SAMD3: variants seen among roughly 807,000 people sequenced by gnomAD.
The protein encoded by SAMD3 is sterile alpha motif domain-containing protein 3.
A neutral mutation model predicts 58.5 loss-of-function variants in SAMD3; 63 were observed. That is an observed-to-expected ratio of 1.08 (90% CI 0.88 to 1.33). SAMD3 has a LOEUF of 1.33. SAMD3 is among the 40% of genes most tolerant of loss of function. SAMD3 has a pLI of 0.00. For missense variants in SAMD3, 604 were observed against 608.4 expected (o/e 0.99, Z 0.08); for synonymous variants, 220 against 210.3 (o/e 1.05, Z -0.40).
chr6:130,259,910 G>A (rs142556462), intron 2 of SAMD3, among the ~76,000 whole-genome samples: 1 of 152,042 alleles, frequency 6.6e-6, no homozygotes. Context: ...GCTCATTTGT[G>A]TGCTGCATTT....
At chr6:130,145,782 C>T (rs1788565800) in intron 10 of SAMD3, among the ~76,000 whole-genome samples, 2 of 151,982 alleles carry the variant, frequency 1.3e-5, no homozygotes, top group South Asian at 2.1e-4. Context: ...TCCTCCTCCT[C>T]TAATTGGAAA....
intron 9 of SAMD3, among the ~76,000 whole-genome samples, chr6:130,153,868 G>C (rs1156755374): frequency 6.6e-6 from 1 of 151,298 alleles, no homozygotes; most frequent in Non-Finnish European, 1.5e-5. Flanking sequence ...GTAGAGATGG[G>C]GTTTTACCAG....
At chr6:130,225,502 T>C (rs1250204395), upstream of SAMD3, among the ~76,000 whole-genome samples, 1 of 152,232 alleles carries the variant, frequency 6.6e-6, no homozygotes, top group Non-Finnish European at 1.5e-5. Context: ...TCTATGGGAC[T>C]ACTGGATCAG....
chr6:130,361,428 C>T (rs1205504691), intron 1 of SAMD3, among the ~76,000 whole-genome samples: 1 of 152,054 alleles, frequency 6.6e-6, no homozygotes, highest in African/African-American at 2.4e-5. Context: ...TATATTTTAC[C>T]AAAATTGTGG....
intron 2 of SAMD3, among the ~76,000 whole-genome samples, chr6:130,250,232 C>T (rs528385966): frequency 1.9e-4 from 29 of 152,082 alleles, no homozygotes; most frequent in Non-Finnish European, 3.5e-4. Context: ...CACAAAAGTA[C>T]CATTATTTTT....
intron 8 of SAMD3, among the ~76,000 whole-genome samples, chr6:130,158,835 C>T (rs1277462756): frequency 2.6e-5 from 4 of 152,224 alleles, no homozygotes; most frequent in African/African-American, 9.6e-5. Context: ...CGGTTTACAC[C>T]CTATGTAAAT....
At chr6:130,193,963 T>A (rs1310935309) in intron 5 of SAMD3, among the ~76,000 whole-genome samples, 1 of 152,024 alleles carries the variant, frequency 6.6e-6, no homozygotes, top group African/African-American at 2.4e-5. Context: ...GTCTTTCTAA[T>A]CTTCCTTTTC....
At chr6:130,247,300 T>A (rs1386480202) in intron 2 of SAMD3, among the ~76,000 whole-genome samples, 2 of 152,008 alleles carry the variant, frequency 1.3e-5, no homozygotes, top group East Asian at 3.9e-4. Context: ...TGAAACCCCA[T>A]CTCTATTAAA....
At chr6:130,360,550 A>G (rs1310680369) in intron 1 of SAMD3, among the ~76,000 whole-genome samples, 1 of 152,196 alleles carries the variant, frequency 6.6e-6, no homozygotes, top group Non-Finnish European at 1.5e-5. Flanking sequence ...TCACAAGGTA[A>G]TAGAATATCA....
chr6:130,237,976 T>C (rs1004363816), intron 2 of SAMD3, among the ~76,000 whole-genome samples: 1 of 152,194 alleles, frequency 6.6e-6, no homozygotes, highest in South Asian at 2.1e-4. Context: ...ATTTAGCTGT[T>C]GTTTTTGCAA....
chr6:130,211,543 CAAAG>C (rs374381576), intron 4 of SAMD3, among the ~76,000 whole-genome samples: 343 of 152,192 alleles, frequency 2.3e-3, no homozygotes, highest in African/African-American at 7.7e-3. Context: ...CTTGGCCTCC[CAAAG>C]TGCTGGCATT....
intron 5 of SAMD3, among the ~76,000 whole-genome samples, chr6:130,193,286 G>A (rs1386929902): frequency 1.3e-5 from 2 of 151,644 alleles, no homozygotes; most frequent in Non-Finnish European, 2.9e-5. Flanking sequence ...ACACTTAGCA[G>A]CAAGTCCCAC....
At chr6:130,360,931 T>C (rs898831505) in intron 1 of SAMD3, among the ~76,000 whole-genome samples, 1 of 152,210 alleles carries the variant, frequency 6.6e-6, no homozygotes, top group African/African-American at 2.4e-5. Context: ...TATGGCTCTG[T>C]CCCGCCCGGC....
intron 2 of SAMD3, among the ~76,000 whole-genome samples, chr6:130,266,367 A>G (rs1310405444): frequency 6.6e-6 from 1 of 152,140 alleles, no homozygotes; most frequent in Non-Finnish European, 1.5e-5. Flanking sequence ...AAGAATTTGT[A>G]CCTATAAACC....
At chr6:130,280,493 A>C (rs183729901) in intron 2 of SAMD3, among the ~76,000 whole-genome samples, 10 of 152,286 alleles carry the variant, frequency 6.6e-5, no homozygotes, top group African/African-American at 2.4e-4. Flanking sequence ...CAAAGCTTGA[A>C]AATATCACCT....
Position 130,175,861 on chromosome 6 carries a change from T to A in SAMD3, c.802A>T (p.Ile268Phe), listed in dbSNP as rs1391937284. The change falls in exon 8 of 12, where the codon ATT (isoleucine) becomes TTT (phenylalanine). Residue 268 changes from isoleucine to phenylalanine, a missense_variant. Physicochemically the swap from Ile to Phe is conservative, Grantham distance 21. Coordinates refer to ENST00000439090, the MANE Select transcript of SAMD3 (RefSeq NM_001017373.4). ...CTTACTTTTATCTGGACAAGTTTAA[T>A]TTCATCAAATCTTATATCAGCAAGA... ...KSLADIRFDEIKLVQIKEEAV... is the reference protein window; with the variant it reads ...KSLADIRFDEFKLVQIKEEAV... The A allele has an allele frequency of 6.2e-7, 1 of 1,611,828 alleles. No individual in the cohort carries two copies. Among genetic ancestry groups the A allele is most frequent in the Non-Finnish European group, 8.5e-7 (1 of 1,178,706 alleles).
chr6:130,233,342 G>T (rs1350148806), intron 2 of SAMD3, among the ~76,000 whole-genome samples: 2 of 152,174 alleles, frequency 1.3e-5, no homozygotes, highest in Non-Finnish European at 2.9e-5. Flanking sequence ...ACGGTGGTTT[G>T]CTGCACCCAT....
At position 130,333,016 on chromosome 6, in the gene SAMD3, G is replaced by T. The variant is rs527312717; in HGVS notation, c.-303-19923C>A. On this transcript the variant is annotated intron_variant, in intron 1 of 13. Transcript: ENST00000368134. ...TCATTGTGCTTATTTCCTCAATAAA[G>T]TTCAAGACAGGGCCACAGTTGAGTA... is the stretch of plus-strand genomic sequence containing the variant. 9.6e-4 allele frequency among the ~76,000 whole-genome samples: 145 copies of T among 151,358 alleles called. 1 individual carries two copies. The highest frequency in any genetic ancestry group is 3.2e-3 in the African/African-American group (133 of 41,290).
upstream of SAMD3, among the ~76,000 whole-genome samples, chr6:130,224,115 C>T (rs916910579): frequency 2.0e-5 from 3 of 150,756 alleles, no homozygotes; most frequent in African/African-American, 7.5e-5. Context: ...GCCTGACTCT[C>T]CTCCAACCAC....
Sources: gnomAD v4.1 joint callset for allele counts (sites outside exome capture counted in the v4.1 genomes callset) on GRCh38, gnomAD v4.1.1 for gene constraint, MANE v1.5 for transcripts, NCBI Gene and HGNC (gene_info 2026-07-23, HGNC 2026-07-21) for gene names.